SLC15A5: variants seen among roughly 807,000 people sequenced by gnomAD.
SLC15A5 encodes solute carrier family 15 member 5.
SLC15A5 carries 58 observed loss-of-function variants against 56.1 expected under a neutral mutation model. The observed-to-expected ratio is 1.03, with a 90% CI of 0.84 to 1.29. The LOEUF (loss-of-function observed/expected upper bound fraction) is 1.29. Ranked by LOEUF, SLC15A5 falls within the 50% of genes most tolerant of loss-of-function variation. The probability of loss-of-function intolerance (pLI) is 0.00; values close to 1 mark genes in which losing one functional copy is unlikely to be tolerated. For missense variants in SLC15A5, 681 were observed against 672.1 expected, an observed-to-expected ratio of 1.01 and a Z score of -0.15; for synonymous variants, 264 against 250.5, an observed-to-expected ratio of 1.05 and a Z score of -0.51.
intron 7 of SLC15A5, among the ~76,000 whole-genome samples, chr12:16,214,472 T>C (rs142331737): frequency 1.6e-4 from 25 of 152,294 alleles, no homozygotes; most frequent in South Asian, 2.1e-4. Flanking sequence ...ACCAACCACA[T>C]GATCAGACTT....
intron 2 of SLC15A5, among the ~76,000 whole-genome samples, chr12:16,262,630 T>C (rs555920455): frequency 2.6e-5 from 4 of 152,318 alleles, no homozygotes; most frequent in African/African-American, 9.6e-5. Flanking sequence ...AGCAGTGAAG[T>C]TGGAACATAG....
At chr12:16,248,210 C>T (rs531216604) in intron 3 of SLC15A5, among the ~76,000 whole-genome samples, 11 of 152,088 alleles carry the variant, frequency 7.2e-5, no homozygotes, top group Admixed American at 6.5e-4. Flanking sequence ...AGATGATAAC[C>T]AAGTCAATAT....
At chr12:16,258,388 A>G (rs376858725) in intron 2 of SLC15A5, among the ~76,000 whole-genome samples, 2 of 152,312 alleles carry the variant, frequency 1.3e-5, no homozygotes, top group East Asian at 3.9e-4. Flanking sequence ...TGACATTTGA[A>G]TAAAACTTTC....
chr12:16,228,952 C>T (rs1475411613), intron 5 of SLC15A5, among the ~76,000 whole-genome samples: 1 of 152,090 alleles, frequency 6.6e-6, no homozygotes, highest in Non-Finnish European at 1.5e-5. Context: ...TTGATGCTCC[C>T]AACCCCTGCG....
At chr12:16,262,781 G>A (rs901848220) in intron 2 of SLC15A5, among the ~76,000 whole-genome samples, 2 of 152,108 alleles carry the variant, frequency 1.3e-5, no homozygotes, top group African/African-American at 4.8e-5. Context: ...TCGTGATAGC[G>A]AATGGGTCTA....
chr12:16,267,912 A>AT (rs2136819598), intron 2 of SLC15A5, among the ~76,000 whole-genome samples: 1 of 107,404 alleles, frequency 9.3e-6, no homozygotes, highest in Non-Finnish European at 1.9e-5. Flanking sequence ...GTAATTAAAA[A>AT]AAAATGTTTT....
intron 3 of SLC15A5, among the ~76,000 whole-genome samples, chr12:16,252,568 G>T (rs1864530191): frequency 6.6e-6 from 1 of 151,876 alleles, no homozygotes; most frequent in Non-Finnish European, 1.5e-5. Flanking sequence ...GCATTGAAAA[G>T]ATAAATACTT....
intron 7 of SLC15A5, among the ~76,000 whole-genome samples, chr12:16,204,574 A>T (rs1799517): frequency 0.21 from 31,767 of 151,810 alleles, 3,566 homozygotes; most frequent in African/African-American, 0.29. Context: ...ACTATATATC[A>T]TAAAATTATT....
chr12:16,259,901 C>CGGG (rs3078523), intron 2 of SLC15A5, among the ~76,000 whole-genome samples: 44 of 148,804 alleles, frequency 3.0e-4, no homozygotes, highest in East Asian at 4.0e-4. Context: ...ACCACCCGGG[C>CGGG]GGGGGGTAAG....
chr12:16,235,705 C>T lies in SLC15A5; in HGVS notation c.1162+3976G>A, dbSNP rs73321918. 0.061 allele frequency among the ~76,000 whole-genome samples: 9,334 copies of T among 152,152 alleles called. 491 individuals are homozygous for T. Among genetic ancestry groups the T allele is most frequent in the African/African-American group, 0.14 (5,745 of 41,518 alleles). ...TCAAGTATTTTACAATGGGTACATA[C>T]CATGATGTTTCTTGGGAAAATATAT... On this transcript the variant is annotated intron_variant, in intron 5 of 8. Coordinates refer to ENST00000344941, the MANE Select transcript of SLC15A5 (RefSeq NM_001170798.1). The surrounding 1 kb of genome is among the most constrained non-coding windows in gnomAD (Gnocchi z 4.1).
intron 5 of SLC15A5, among the ~76,000 whole-genome samples, chr12:16,228,706 T>C (rs1864267264): frequency 6.6e-6 from 1 of 152,242 alleles, no homozygotes. Context: ...ACCTCTGTGA[T>C]GATCCACTTC....
rs980144464 is a variant in SLC15A5 at position 16,245,080 on chromosome 12, A to C, written c.755-280T>G. 2.0e-5 allele frequency among the ~76,000 whole-genome samples: 3 copies of C among 152,258 alleles called. No individual in the cohort carries two copies. The South Asian group carries it at 6.2e-4, about 31-fold the overall frequency. ...AGAAAGGTGACAAAATAATACGCCA[A>C]AGTTAAGGACTTCAGAATCTCTCAG... On this transcript the variant is annotated intron_variant, in intron 3 of 8. Transcript: ENST00000344941.
In SLC15A5 at chr12:16,271,357, AT is replaced by A. The variant is rs1864753465; in HGVS notation, c.584+1203del. Among the ~76,000 whole-genome samples the A allele has an allele frequency of 6.6e-6, 1 of 152,192 alleles. No homozygotes were observed. The highest frequency in any genetic ancestry group is 2.4e-5 in the African/African-American group (1 of 41,458). Reference sequence around the variant, plus strand: ...TCCTCCAGAGTCTTATTTAATCAAAATGATGTTGCTAATTAAGGATTAAAAC... The same window carrying A: ...TCCTCCAGAGTCTTATTTAATCAAAAGATGTTGCTAATTAAGGATTAAAAC... On this transcript the variant is annotated intron_variant, in intron 2 of 8. Coordinates refer to ENST00000344941, the MANE Select transcript of SLC15A5 (RefSeq NM_001170798.1). The surrounding 1 kb of genome is among the most constrained non-coding windows in gnomAD (Gnocchi z 8.0).
chr12:16,251,963 A>G (rs1459866476), intron 3 of SLC15A5, among the ~76,000 whole-genome samples: 1 of 152,034 alleles, frequency 6.6e-6, no homozygotes, highest in Admixed American at 6.6e-5. Flanking sequence ...GACAAGTGGA[A>G]TTTATACCTG....
chr12:16,255,097 G>A (rs574780264), intron 3 of SLC15A5, among the ~76,000 whole-genome samples: 57 of 152,030 alleles, frequency 3.7e-4, no homozygotes, highest in South Asian at 2.9e-3. Context: ...TATGTACCTC[G>A]TAAATATGTA....
intron 5 of SLC15A5, among the ~76,000 whole-genome samples, chr12:16,230,067 C>A (rs1311419476): frequency 6.6e-6 from 1 of 151,978 alleles, no homozygotes; most frequent in East Asian, 1.9e-4. Context: ...AATATAGAAG[C>A]ATCCTGAAGT....
In SLC15A5 at chr12:16,269,486, T is replaced by A. The variant is rs900809684; in HGVS notation, c.584+3075A>T. Reference sequence around the variant, plus strand: ...TTTAATATGCACCTAGGATTGACAATCATTGTTCTCAATGTTCTTGTGAAT... The same window carrying A: ...TTTAATATGCACCTAGGATTGACAAACATTGTTCTCAATGTTCTTGTGAAT... On this transcript the variant is annotated intron_variant, in intron 2 of 8. Transcript: ENST00000344941. The surrounding 1 kb of genome is among the most constrained non-coding windows in gnomAD (Gnocchi z 4.7). Among the ~76,000 whole-genome samples, 1 of 152,198 alleles carries A rather than the reference T, an allele frequency of 6.6e-6. No homozygotes were observed. Among genetic ancestry groups the A allele is most frequent in the Admixed American group, 6.5e-5 (1 of 15,274 alleles).
At chr12:16,240,013 C>G in intron 4 of SLC15A5, 146 bp from the exon 5 acceptor site, 1 of 704,080 alleles carries the variant, frequency 1.4e-6, no homozygotes, top group Non-Finnish European at 2.3e-6. Flanking sequence ...CAGTTATGAG[C>G]TGATAAAGGG....
At chr12:16,254,541 C>T (rs1424047585) in intron 3 of SLC15A5, among the ~76,000 whole-genome samples, 2 of 152,082 alleles carry the variant, frequency 1.3e-5, no homozygotes, top group Admixed American at 1.3e-4. Context: ...CTTTTTATGG[C>T]TGAATAGTAT....
Sources: allele counts gnomAD v4.1 joint callset (sites outside exome capture counted in the v4.1 genomes callset), GRCh38; gene constraint gnomAD v4.1.1; non-coding constraint Gnocchi (gnomAD v3.1); transcripts MANE v1.5; gene names NCBI Gene and HGNC (gene_info 2026-07-23, HGNC 2026-07-21).